MMRN1: variants seen among roughly 807,000 people sequenced by gnomAD.
MMRN1 encodes the protein multimerin 1.
Under a neutral mutation model 100.7 loss-of-function variants are expected in MMRN1, and 94 were observed. That is an observed-to-expected ratio of 0.93 (90% CI 0.79 to 1.11). The LOEUF (loss-of-function observed/expected upper bound fraction) is 1.11. Among genes scored for constraint, MMRN1 ranks in the 50% least tolerant of loss-of-function variants. The pLI, the probability that MMRN1 is intolerant of heterozygous loss-of-function variation, is 0.00. For missense variants in MMRN1, 1,606 were observed against 1,439.1 expected (o/e 1.12, Z -1.88); for synonymous variants, 575 against 505.0 (o/e 1.14, Z -1.86).
intron 1 of MMRN1, among the ~76,000 whole-genome samples, chr4:89,880,319 A>G (rs1720790899): frequency 6.6e-6 from 1 of 152,154 alleles, no homozygotes; most frequent in Non-Finnish European, 1.5e-5. Flanking sequence ...CTGAGTCACT[A>G]TGTCACAAGA....
intron 1 of MMRN1, among the ~76,000 whole-genome samples, chr4:89,884,805 A>T (rs1200223858): frequency 6.6e-6 from 1 of 152,080 alleles, no homozygotes; most frequent in Non-Finnish European, 1.5e-5. Context: ...GTACACAGAC[A>T]AGTCATTTAT....
chr4:89,922,076 TTTTA>T (rs1351161841), intron 3 of MMRN1, among the ~76,000 whole-genome samples: 4 of 152,050 alleles, frequency 2.6e-5, no homozygotes, highest in Admixed American at 6.6e-5. Flanking sequence ...CAATATTTTA[TTTTA>T]TTTATTTTTA....
Position 89,883,112 on chromosome 4 carries a change from A to G in MMRN1, c.-249+3510A>G, listed in dbSNP as rs182255888. Among the ~76,000 whole-genome samples, 554 of 152,190 alleles carry G rather than the reference A, an allele frequency of 3.6e-3. 3 individuals are homozygous for G. The highest frequency in any genetic ancestry group is 0.013 in the African/African-American group (540 of 41,562). Reference sequence around the variant, plus strand: ...ATCAGTGTTCATTGCTTTTCATTGCAGAATATTATTTCATTGTATGAGTGT... The same window carrying G: ...ATCAGTGTTCATTGCTTTTCATTGCGGAATATTATTTCATTGTATGAGTGT... On this transcript the variant is annotated intron_variant, in intron 1 of 8. Transcript: ENST00000394980.
At chr4:89,923,412 G>A (rs1175237908) in intron 4 of MMRN1, 140 bp downstream of exon 4, 3 of 785,884 alleles carry the variant, frequency 3.8e-6, no homozygotes, top group African/African-American at 3.4e-5. Context: ...TTCTACTGGT[G>A]CTGGATGTTG....
At position 89,902,182 on chromosome 4, in the gene MMRN1, A is replaced by T. The variant is rs556565566; in HGVS notation, c.623+6588A>T. The T allele has an allele frequency of 8.3e-3, 461 of 55,298 alleles. 1 individual carries two copies. Among genetic ancestry groups the T allele is most frequent in the African/African-American group, 0.031 (448 of 14,258 alleles). The allele number at this position is 55,298 out of a possible 1,614,324, so 3.4% of individuals were successfully genotyped here. A position where few individuals can be genotyped will look rare whatever the true frequency, so the allele number is the denominator to read the frequency against. ...CACACTCTGGGGACTGTGGTGGGGT[A>T]GGGGGAGGGGGGAGGGATAGCATTG... On this transcript the variant is annotated intron_variant, in intron 1 of 7. Coordinates refer to ENST00000264790, the MANE Select transcript of MMRN1 (RefSeq NM_007351.3).
At chr4:89,921,512 T>A (rs1265813881) in intron 3 of MMRN1, among the ~76,000 whole-genome samples, 1 of 152,156 alleles carries the variant, frequency 6.6e-6, no homozygotes, top group Non-Finnish European at 1.5e-5. Context: ...AATGGTTGTA[T>A]CTGTATGAAT....
chr4:89,909,148 A>G (rs1721660062), intron 1 of MMRN1, 128 bp from the exon 2 acceptor site: 6 of 887,044 alleles, frequency 6.8e-6, no homozygotes, highest in Non-Finnish European at 8.4e-6. Flanking sequence ...TTAAAGCTAA[A>G]TAGCAATCTT....
At chr4:89,951,416 TAG>T (rs1179476875) in intron 6 of MMRN1, 187 bp from the exon 7 acceptor site, 4 of 446,218 alleles carry the variant, frequency 9.0e-6, no homozygotes, top group Non-Finnish European at 1.1e-5. Flanking sequence ...CTGAAGGAGA[TAG>T]AGAGATCAGA....
At position 89,927,901 on chromosome 4, in the gene MMRN1, C is replaced by A. The variant is rs1722313078; in HGVS notation, c.1062C>A (p.Asn354Lys). The change falls in exon 5 of 8, where the codon AAC (asparagine) becomes AAA (lysine). Residue 354 changes from asparagine to lysine, a missense_variant. Physicochemically the swap from Asn to Lys is moderately conservative, Grantham distance 94. Coordinates refer to ENST00000264790, the MANE Select transcript of MMRN1 (RefSeq NM_007351.3). ...CTTTGACTGTGAATGATGTAAGGAA[C>A]ACTTACTCCTCCCTAGAAGGAAAAG... ...NISLTVNDVR[N>K]TYSSLEGKVS... The A allele has an allele frequency of 2.5e-6, 4 of 1,610,738 alleles. No homozygotes were observed. In the Admixed American group the frequency reaches 6.7e-5, roughly 27 times the overall value.
intron 3 of MMRN1, among the ~76,000 whole-genome samples, chr4:89,917,653 CATGGATGATACCAGCTAAATGATG>C (rs1721964708): frequency 1.3e-5 from 2 of 151,720 alleles, no homozygotes; most frequent in Non-Finnish European, 2.9e-5. Context: ...TTTCTTTTGC[CATGGATGATACCAGCTAAATGATG>C]TCCTTGTCAG....
In MMRN1 at chr4:89,936,791, A is replaced by C. The variant is rs1202849492; in HGVS notation, c.3111A>C (p.Ile1037=). Residue 1037 remains isoleucine (I), a synonymous_variant, in exon 6 of 8, where the codon ATA becomes ATC. Transcript: ENST00000264790. The stretch of plus-strand genomic sequence containing the variant: ...CTCAAAGAAACACGGACAACATAAT[A>C]TATCCTGGTAAGCTGTTACTGAAAA... ...GRTQRNTDNI[I]YPEEYSSCSR... The C allele has an allele frequency of 6.3e-7, 1 of 1,584,212 alleles. No individual in the cohort carries two copies. Among genetic ancestry groups the C allele is most frequent in the Admixed American group, 1.9e-5 (1 of 53,456 alleles).
rs755629719 is a variant in MMRN1 at position 89,895,105 on chromosome 4, C to T, written c.134C>T (p.Pro45Leu). The T allele has an allele frequency of 1.2e-5, 20 of 1,613,732 alleles. No homozygotes were observed. The highest frequency in any genetic ancestry group is 1.6e-5 in the Non-Finnish European group (19 of 1,179,896). The change falls in exon 1 of 8, where the codon CCT (proline) becomes CTT (leucine). Residue 45 changes from proline (P) to leucine (L), a missense_variant. Pro to Leu is a moderately conservative substitution (Grantham distance 98). Coordinates refer to ENST00000264790, the MANE Select transcript of MMRN1 (RefSeq NM_007351.3). ...AAGACTATGCCTTCTGCTTCAGTTC[C>T]TCCAAATAAAATACAAAGTTTGCAA... The part of the protein sequence containing the change: ...SQKTMPSASV[P>L]PNKIQSLQIL...
In MMRN1 at chr4:89,923,153, T is replaced by G; in HGVS notation, c.851-15T>G. On this transcript the variant is annotated splice_polypyrimidine_tract_variant and intron_variant, in intron 3 of 7. Transcript: ENST00000264790. ...AGTGCTTAACTGTCTCTCTTCTCTT[T>G]CTGCTTCCTTCTAGCCCAGGAACAG... 1 of 1,607,408 alleles carries G rather than the reference T, an allele frequency of 6.2e-7. No homozygotes were observed. Among genetic ancestry groups the G allele is most frequent in the Non-Finnish European group, 8.5e-7 (1 of 1,174,316 alleles).
Position 89,895,301 on chromosome 4 carries a change from C to G in MMRN1, c.330C>G (p.Val110=). The G allele has an allele frequency of 6.2e-7, 1 of 1,613,372 alleles. No homozygotes were observed. Among genetic ancestry groups the G allele is most frequent in the South Asian group, 1.1e-5 (1 of 91,054 alleles). Residue 110 remains valine, a synonymous_variant, in exon 1 of 8, where the codon GTC becomes GTG. Coordinates refer to ENST00000264790, the MANE Select transcript of MMRN1 (RefSeq NM_007351.3). ...CCACAGAGAAAGCAGAAGGAGTGGT[C>G]AAGTTACAGAATCTTACCCTCCCAA... ...LTSTEKAEGV[V]KLQNLTLPTN...
At chr4:89,910,329 T>C (rs1229876956) in intron 2 of MMRN1, among the ~76,000 whole-genome samples, 1 of 151,456 alleles carries the variant, frequency 6.6e-6, no homozygotes, top group Non-Finnish European at 1.5e-5. Flanking sequence ...TCTTTAGTAA[T>C]AAAAAATTTA....
intron 3 of MMRN1, among the ~76,000 whole-genome samples, chr4:89,919,663 T>A (rs1037187669): frequency 3.3e-5 from 5 of 152,122 alleles, no homozygotes; most frequent in African/African-American, 1.2e-4. Flanking sequence ...TATCATTACC[T>A]AATTTAGGAC....
Position 89,953,727 on chromosome 4 carries a change from A to G in MMRN1, c.*309A>G. 4.7e-6 allele frequency: 1 copy of G among 214,008 alleles called. No individual in the cohort carries two copies. Among genetic ancestry groups the G allele is most frequent in the Non-Finnish European group, 9.1e-6 (1 of 109,348 alleles). The allele number at this position is 214,008 out of a possible 1,614,324, so 13.3% of individuals were successfully genotyped here. A position where few individuals can be genotyped will look rare whatever the true frequency, so the allele number is the denominator to read the frequency against. On this transcript the variant is annotated 3_prime_UTR_variant, in exon 8 of 8. Coordinates refer to ENST00000264790, the MANE Select transcript of MMRN1 (RefSeq NM_007351.3). ...TTGCAATGGAAAGTAATATTATAAAATGGTAATTACAACATATTATCAGTC... is the reference window on the plus strand; with the variant it reads ...TTGCAATGGAAAGTAATATTATAAAGTGGTAATTACAACATATTATCAGTC...
At chr4:89,883,960 C>T (rs561065522) in intron 1 of MMRN1, among the ~76,000 whole-genome samples, 4 of 152,118 alleles carry the variant, frequency 2.6e-5, no homozygotes, top group South Asian at 2.1e-4. Context: ...TTTAAATTCA[C>T]GTATTTGTTC....
intron 3 of MMRN1, among the ~76,000 whole-genome samples, chr4:89,917,501 T>C (rs1285639745): frequency 1.3e-5 from 2 of 151,928 alleles, no homozygotes; most frequent in African/African-American, 4.8e-5. Flanking sequence ...GCATTACTTT[T>C]TATTTTCTTA....
Sources: gnomAD v4.1 joint callset for allele counts (sites outside exome capture counted in the v4.1 genomes callset) on GRCh38, gnomAD v4.1.1 for gene constraint, MANE v1.5 for transcripts, NCBI Gene and HGNC (gene_info 2026-07-23, HGNC 2026-07-21) for gene names.